Variants in DNAAF4 observed in about 807,000 individuals in gnomAD.
DNAAF4 encodes dynein assembly factor 4, axonemal.
Under a neutral mutation model 51.8 loss-of-function variants are expected in DNAAF4, and 43 were observed. The ratio of observed to expected loss-of-function variants is 0.83; its 90% confidence interval spans 0.65 to 1.07. DNAAF4 has a LOEUF of 1.07. Ranked by LOEUF, DNAAF4 falls within the 50% of genes least tolerant of loss-of-function variation. DNAAF4 has a pLI of 0.00. For synonymous variants in DNAAF4, 194 were observed against 165.6 expected (o/e 1.17, Z -1.32); for missense variants, 581 against 493.0 (o/e 1.18, Z -1.69).
chr15:55,486,460 C>T (rs968181623), intron 4 of DNAAF4, among the ~76,000 whole-genome samples: 7 of 152,202 alleles, frequency 4.6e-5, no homozygotes, highest in Admixed American at 6.5e-5. Flanking sequence ...TTCCAAAGTG[C>T]TGGGATTACA....
At chr15:55,450,475 T>G in intron 5 of DNAAF4, 108 bp from the exon 6 acceptor site, 2 of 1,222,374 alleles carry the variant, frequency 1.6e-6, no homozygotes, top group South Asian at 3.1e-5. Context: ...CCTAAACAAA[T>G]AAATCAAATA....
intron 6 of DNAAF4, among the ~76,000 whole-genome samples, chr15:55,440,825 G>T (rs2057698831): frequency 6.6e-6 from 1 of 151,754 alleles, no homozygotes; most frequent in Admixed American, 6.6e-5. Flanking sequence ...GGGACTACAG[G>T]CACACGCCAC....
intron 6 of DNAAF4, among the ~76,000 whole-genome samples, chr15:55,449,297 AT>A (rs771782926): frequency 1.3e-5 from 2 of 151,104 alleles, no homozygotes; most frequent in Admixed American, 1.3e-4. Context: ...GCTTGTCATT[AT>A]GTCTTAAGGA....
chr15:55,450,143 C>A (rs2057911043), intron 6 of DNAAF4, 79 bp downstream of exon 6: 6 of 1,400,242 alleles, frequency 4.3e-6, no homozygotes, highest in Non-Finnish European at 4.8e-6. Flanking sequence ...AAATTCAGAA[C>A]CAGTACTAAT....
chr15:55,417,951 C>T (rs936131837), exon 8 of DNAAF4: 26 of 589,516 alleles, frequency 4.4e-5, no homozygotes, highest in Admixed American at 7.4e-5. Flanking sequence ...GGTTCTGAGC[C>T]AGGAGAAGGA....
chr15:55,431,386 AC>A (rs2057491440), intron 9 of DNAAF4, among the ~76,000 whole-genome samples: 4 of 150,820 alleles, frequency 2.7e-5, no homozygotes, highest in Non-Finnish European at 4.4e-5. Flanking sequence ...ACACACACAC[AC>A]ACAAATACAT....
At chr15:55,502,289 T>C (rs931332071) in intron 1 of DNAAF4, among the ~76,000 whole-genome samples, 2 of 152,128 alleles carry the variant, frequency 1.3e-5, no homozygotes, top group African/African-American at 4.8e-5. Context: ...GGTAATTCTA[T>C]TGATGGAGTT....
At chr15:55,445,712 G>C (rs2057789986) in intron 6 of DNAAF4, among the ~76,000 whole-genome samples, 1 of 148,714 alleles carries the variant, frequency 6.7e-6, no homozygotes, top group Non-Finnish European at 1.5e-5. Flanking sequence ...ACCAGGCAGA[G>C]GCACTCCTCA....
chr15:55,472,612 C>T (rs921005964), intron 4 of DNAAF4, among the ~76,000 whole-genome samples: 14 of 151,658 alleles, frequency 9.2e-5, no homozygotes, highest in African/African-American at 3.1e-4. Flanking sequence ...AGTGAGACTT[C>T]TCAAAAAAAA....
At chr15:55,476,950 C>T (rs1237867900) in intron 4 of DNAAF4, among the ~76,000 whole-genome samples, 1 of 152,154 alleles carries the variant, frequency 6.6e-6, no homozygotes, top group Non-Finnish European at 1.5e-5. Context: ...GCGGGTGGAT[C>T]ACCTGAGGTC....
At chr15:55,428,484 C>CTTTTTTTTTTTT (rs747325376), downstream of DNAAF4, among the ~76,000 whole-genome samples, 29 of 85,076 alleles carry the variant, frequency 3.4e-4, no homozygotes, top group Non-Finnish European at 4.4e-4. Flanking sequence ...TCTTTTTTTT[C>CTTTTTTTTTTTT]TTTTTTTTTT....
chr15:55,432,883 G>A (rs756164862), intron 8 of DNAAF4, among the ~76,000 whole-genome samples: 56 of 152,268 alleles, frequency 3.7e-4, no homozygotes, highest in Admixed American at 1.9e-3. Flanking sequence ...CAGGGAGGCA[G>A]AGCTTGCAGA....
intron 5 of DNAAF4, among the ~76,000 whole-genome samples, chr15:55,456,371 T>A (rs1214967703): frequency 6.6e-6 from 1 of 152,180 alleles, no homozygotes; most frequent in African/African-American, 2.4e-5. Context: ...CGTGAGCCAC[T>A]GCATCCGGCG....
rs970060016 is a variant in DNAAF4 at position 55,491,715 on chromosome 15, A to T, written c.272-459T>A. ...TATAATAATATTATATACTATTATT[A>T]TATAATAGTATATAATATAATATAT... On this transcript the variant is annotated intron_variant, in intron 3 of 9. Coordinates refer to ENST00000321149, the MANE Select transcript of DNAAF4 (RefSeq NM_130810.4). Among the ~76,000 whole-genome samples the T allele has an allele frequency of 3.8e-4, 53 of 139,312 alleles. 1 individual carries two copies. Among genetic ancestry groups the T allele is most frequent in the Middle Eastern group, 3.3e-3 (1 of 304 alleles). The allele number at this position is 139,312 out of a possible 152,430, so 91.4% of individuals were successfully genotyped here. A position where few individuals can be genotyped will look rare whatever the true frequency, so the allele number is the denominator to read the frequency against.
chr15:55,435,614 C>T (rs985570449), intron 7 of DNAAF4, among the ~76,000 whole-genome samples: 6 of 152,098 alleles, frequency 3.9e-5, no homozygotes, highest in African/African-American at 1.4e-4. Flanking sequence ...ATAGAAAACA[C>T]CTTTAGCTGT....
chr15:55,425,313 G>C (rs1479902744), downstream of DNAAF4, among the ~76,000 whole-genome samples: 3 of 152,114 alleles, frequency 2.0e-5, no homozygotes, highest in East Asian at 5.8e-4. Context: ...GATCAACCTG[G>C]CCTGTCTTCA....
At chr15:55,477,395 T>G (rs2058350097) in intron 4 of DNAAF4, among the ~76,000 whole-genome samples, 1 of 152,244 alleles carries the variant, frequency 6.6e-6, no homozygotes, top group East Asian at 1.9e-4. Context: ...TAATGATTTT[T>G]AATGTAAAAT....
At chr15:55,454,829 T>C (rs913407278) in intron 5 of DNAAF4, among the ~76,000 whole-genome samples, 1 of 152,040 alleles carries the variant, frequency 6.6e-6, no homozygotes, top group African/African-American at 2.4e-5. Flanking sequence ...ACCCATAATA[T>C]ACCAAGGGAA....
At chr15:55,498,126 T>G (rs2058664833) in intron 2 of DNAAF4, 81 bp downstream of exon 2, 1 of 1,601,908 alleles carries the variant, frequency 6.2e-7, no homozygotes, top group African/African-American at 1.4e-5. Flanking sequence ...AAGATGAGCC[T>G]GTTGCTCGTG....
Sources: allele counts gnomAD v4.1 joint callset (sites outside exome capture counted in the v4.1 genomes callset), GRCh38; gene constraint gnomAD v4.1.1; transcripts MANE v1.5; gene names NCBI Gene and HGNC (gene_info 2026-07-23, HGNC 2026-07-21).